The following KIF20B variants were observed in gnomAD, a reference collection of about 807,000 sequenced individuals.
KIF20B encodes kinesin family member 20B.
Under a neutral mutation model 232.5 loss-of-function variants are expected in KIF20B, and 188 were observed. The ratio of observed to expected loss-of-function variants is 0.81; its 90% CI spans 0.72 to 0.91. KIF20B has a LOEUF of 0.91. KIF20B is among the 40% of genes least tolerant of loss of function. The pLI is 0.00. For missense variants in KIF20B, 2,154 were observed against 2,055.9 expected, an observed-to-expected ratio of 1.05 and a Z score of -0.92; for synonymous variants, 712 against 683.0, an observed-to-expected ratio of 1.04 and a Z score of -0.66.
intron 18 of KIF20B, among the ~76,000 whole-genome samples, chr10:89,730,613 A>G (rs911487338): frequency 5.3e-5 from 8 of 152,302 alleles, no homozygotes; most frequent in African/African-American, 1.7e-4. Context: ...TTGGCCTTCC[A>G]TGTACCAGAA....
chr10:89,768,983 A>G, intron 31 of KIF20B, 95 bp downstream of exon 31: 1 of 1,009,818 alleles, frequency 9.9e-7, no homozygotes, highest in East Asian at 2.5e-5. Flanking sequence ...TGTTCAGGGA[A>G]TATTATACTT....
At chr10:89,771,958 C>T (rs7081362) in intron 31 of KIF20B, among the ~76,000 whole-genome samples, 3 of 151,704 alleles carry the variant, frequency 2.0e-5, no homozygotes, top group African/African-American at 4.8e-5. Context: ...CTGGCTTCTC[C>T]GATACCTGGA....
rs987108187 is a variant in KIF20B at position 89,757,063 on chromosome 10, T to C, written c.4504-1643T>C. Among the ~76,000 whole-genome samples the C allele has an allele frequency of 2.2e-3, 299 of 136,192 alleles. 2 individuals carry two copies. Among genetic ancestry groups the C allele is most frequent in the African/African-American group, 7.1e-3 (271 of 38,320 alleles). The allele number at this position is 136,192 out of a possible 152,430, so 89.3% of individuals were successfully genotyped here. ...GTGTATATATATATATATATATATA[T>C]ATATATACACACATGACAATTGCTA... On this transcript the variant is annotated intron_variant, in intron 26 of 32. Transcript: ENST00000371728.
chr10:89,760,288 G>A (rs10128186), intron 27 of KIF20B, among the ~76,000 whole-genome samples: 121,608 of 152,116 alleles, frequency 0.8, 49,187 homozygotes, highest in South Asian at 0.93. Flanking sequence ...GTTGCAAGCA[G>A]TCTTTCAAAT....
chr10:89,724,265 G>A (rs142184080), intron 14 of KIF20B, among the ~76,000 whole-genome samples, 162 bp downstream of exon 14: 5 of 151,990 alleles, frequency 3.3e-5, no homozygotes, highest in African/African-American at 9.6e-5. Flanking sequence ...GGTGGCTCAC[G>A]CCTGTAATCC....
intron 21 of KIF20B, among the ~76,000 whole-genome samples, chr10:89,740,568 C>T (rs182018763): frequency 2.9e-4 from 44 of 152,256 alleles, no homozygotes; most frequent in African/African-American, 8.4e-4. Flanking sequence ...TGGTGAGTAG[C>T]CCTACCCTTA....
At chr10:89,753,269 CAG>C (rs1484310376) in intron 25 of KIF20B, among the ~76,000 whole-genome samples, 4 of 152,016 alleles carry the variant, frequency 2.6e-5, no homozygotes, top group Non-Finnish European at 5.9e-5. Context: ...GCATTCATAA[CAG>C]AAGCTGTAGG....
chr10:89,732,985 C>T lies in KIF20B; in HGVS notation c.2474C>T (p.Ser825Phe). ...GTTGAAGTACCTAAGGACAGCAAAT[C>T]TAAAATCTGTTCAGAAAGAAAAAGA... is the stretch of plus-strand genomic sequence containing the variant. ...ETVEVPKDSK[S>F]KICSERKRVN... The change falls in exon 19 of 33, where the codon TCT becomes TTT. Residue 825 changes from serine (S) to phenylalanine (F), a missense_variant. Transcript: ENST00000371728. 1 of 1,613,382 alleles carries T rather than the reference C, an allele frequency of 6.2e-7. No homozygotes were observed. The highest frequency in any genetic ancestry group is 8.5e-7 in the Non-Finnish European group (1 of 1,179,498).
At chr10:89,740,773 A>G (rs1841779626) in intron 21 of KIF20B, among the ~76,000 whole-genome samples, 1 of 152,140 alleles carries the variant, frequency 6.6e-6, no homozygotes, top group Admixed American at 6.5e-5. Context: ...TGATCCTCCC[A>G]TCTCAGCCTC....
At chr10:89,762,977 T>G in intron 29 of KIF20B, 142 bp downstream of exon 29, 1 of 647,644 alleles carries the variant, frequency 1.5e-6, no homozygotes, top group Non-Finnish European at 2.7e-6. Flanking sequence ...CTATATTTTA[T>G]ACCCTTTAAG....
chr10:89,749,806 T>G (rs978657147), intron 23 of KIF20B, among the ~76,000 whole-genome samples: 1 of 152,192 alleles, frequency 6.6e-6, no homozygotes, highest in African/African-American at 2.4e-5. Context: ...ATTTGGGTTG[T>G]TTCCACTTTT....
chr10:89,738,486 C>A lies in KIF20B; in HGVS notation c.3645C>A (p.Thr1215=). 1 of 1,605,282 alleles carries A rather than the reference C, an allele frequency of 6.2e-7. No homozygotes were observed. The highest frequency in any genetic ancestry group is 1.1e-5 in the South Asian group (1 of 88,406). The part of the protein sequence containing the change: ...QEHLQDSVKN[T]KDLNVKELKL... Reference sequence around the variant, plus strand: ...ATCTTCAGGATTCTGTCAAAAACACCAAAGATTTAAATGTAAAGGAACTCA... The same window carrying A: ...ATCTTCAGGATTCTGTCAAAAACACAAAAGATTTAAATGTAAAGGAACTCA... The change falls in exon 20 of 33, where the codon ACC becomes ACA. Residue 1215 remains threonine (T), a synonymous_variant. Transcript: ENST00000371728.
In KIF20B at chr10:89,709,914, A is replaced by C; in HGVS notation, c.352-13A>C. On this transcript the variant is annotated splice_polypyrimidine_tract_variant and intron_variant, in intron 4 of 32. Coordinates refer to ENST00000371728, the MANE Select transcript of KIF20B (RefSeq NM_001284259.2). ...AATTTTCTAAAAAGAGTTTTTAAAAAATGTTTGCTTAGGTTTTTGGCCCAG... is the reference window on the plus strand; with the variant it reads ...AATTTTCTAAAAAGAGTTTTTAAAACATGTTTGCTTAGGTTTTTGGCCCAG... The C allele has an allele frequency of 6.4e-7, 1 of 1,560,060 alleles. No homozygotes were observed. Among genetic ancestry groups the C allele is most frequent in the Non-Finnish European group, 8.6e-7 (1 of 1,158,122 alleles).
At chr10:89,755,145 C>T (rs1207681169) in intron 26 of KIF20B, among the ~76,000 whole-genome samples, 1 of 152,064 alleles carries the variant, frequency 6.6e-6, no homozygotes, top group Non-Finnish European at 1.5e-5. Flanking sequence ...TTCTAATTGG[C>T]ACTTAGTCTG....
intron 6 of KIF20B, 35 bp from the exon 7 acceptor site, chr10:89,714,012 G>GT (rs1373614527): frequency 3.3e-5 from 36 of 1,090,272 alleles, no homozygotes; most frequent in Non-Finnish European, 4.5e-5. Flanking sequence ...TAATGAAAAT[G>GT]TTTTTTTAAT....
chr10:89,703,843 C>T (rs903117283), intron 1 of KIF20B, among the ~76,000 whole-genome samples: 2 of 150,830 alleles, frequency 1.3e-5, no homozygotes, highest in African/African-American at 4.9e-5. Context: ...GCCTCTGCCT[C>T]CTGGGTTCAA....
chr10:89,723,892 G>T, intron 13 of KIF20B, 72 bp from the exon 14 acceptor site: 2 of 1,132,718 alleles, frequency 1.8e-6, no homozygotes, highest in Non-Finnish European at 1.2e-6. Flanking sequence ...TTTATTTTTT[G>T]AACAGTTGGA....
intron 2 of KIF20B, among the ~76,000 whole-genome samples, chr10:89,708,302 C>G (rs1205071891): frequency 1.3e-5 from 2 of 152,030 alleles, no homozygotes; most frequent in Non-Finnish European, 2.9e-5. Context: ...ATCTCTGCCT[C>G]CCAGGTTCAA....
rs1382182181 is a variant in KIF20B at position 89,706,446 on chromosome 10, A to AT, written c.147+1012dup. ...AACATTTTCTTTTCTTCTTTGGTGA[A>AT]TTTTTTTGTGTGTGTGTTCTCTTTA... On this transcript the variant is annotated intron_variant, in intron 2 of 32. Transcript: ENST00000371728. Among the ~76,000 whole-genome samples the AT allele has an allele frequency of 2.6e-5, 4 of 151,932 alleles. No homozygotes were observed. The East Asian group carries it at 5.8e-4, about 22-fold the overall frequency.
Sources: allele counts gnomAD v4.1 joint callset (sites outside exome capture counted in the v4.1 genomes callset), GRCh38; gene constraint gnomAD v4.1.1; transcripts MANE v1.5; gene names NCBI Gene and HGNC (gene_info 2026-07-23, HGNC 2026-07-21).